The following NOL4L variants were observed in gnomAD, a reference collection of about 807,000 sequenced individuals.
The protein encoded by NOL4L is nucleolar protein 4 like, also known as nucleolar protein 4-like.
In NOL4L, 7 loss-of-function variants were observed where a neutral mutation model predicts 64.5. The ratio of observed to expected loss-of-function variants is 0.11; its 90% CI spans 0.06 to 0.20. NOL4L has a LOEUF of 0.20. NOL4L is among the 10% of genes least tolerant of loss of function. The pLI, the probability that NOL4L is intolerant of heterozygous loss-of-function variation, is 1.00. For synonymous variants in NOL4L, 413 were observed against 401.0 expected (o/e 1.03, Z -0.36); for missense variants, 680 against 967.1 (o/e 0.70, Z 3.94).
chr20:32,568,011 T>TCATCATCACCAC (rs920713752), intron 1 of NOL4L, among the ~76,000 whole-genome samples: 4 of 151,448 alleles, frequency 2.6e-5, no homozygotes, highest in Non-Finnish European at 5.9e-5. Context: ...TTCATCACCA[T>TCATCATCACCAC]CATCATCACC....
chr20:32,546,454 T>G (rs953530456), intron 1 of NOL4L, among the ~76,000 whole-genome samples: 2 of 152,124 alleles, frequency 1.3e-5, no homozygotes, highest in African/African-American at 4.8e-5. Context: ...TATTTATTTA[T>G]TTTTTGAGAT....
intron 5 of NOL4L, among the ~76,000 whole-genome samples, chr20:32,462,949 C>T (rs958021258): frequency 1.5e-5 from 2 of 135,214 alleles, no homozygotes; most frequent in African/African-American, 2.7e-5. Context: ...CATCGACAGG[C>T]GCACAAACCC....
chr20:32,540,627 T>C (rs2018637736), intron 1 of NOL4L, among the ~76,000 whole-genome samples: 1 of 152,128 alleles, frequency 6.6e-6, no homozygotes, highest in Admixed American at 6.5e-5. Context: ...TCAGAATGAC[T>C]GGAACAGGAA....
At position 32,488,827 on chromosome 20, in the gene NOL4L, T is replaced by TTCTTTCTTTC. The variant is rs11483298; in HGVS notation, c.700-14086_700-14085insGAAAGAAAGA. On this transcript the variant is annotated intron_variant, in intron 4 of 10. Transcript: ENST00000621426. ...TCTTTTTCTTTCTTTCTTTCTTTCT[T>TTCTTTCTTTC]TTTCTTTCTTTCTTTCTTTCTTTCT... is the stretch of plus-strand genomic sequence containing the variant. Among the ~76,000 whole-genome samples the TTCTTTCTTTC allele has an allele frequency of 4.1e-3, 136 of 33,136 alleles. 15 individuals are homozygous for TTCTTTCTTTC. The highest frequency in any genetic ancestry group is 0.023 in the Middle Eastern group (2 of 86). 21.7% of individuals were successfully genotyped at this position (33,136 alleles called of 152,430 possible).
chr20:32,525,203 G>A (rs1159394418), intron 2 of NOL4L, among the ~76,000 whole-genome samples: 1 of 152,246 alleles, frequency 6.6e-6, no homozygotes, highest in Non-Finnish European at 1.5e-5. Context: ...CCACAGCATG[G>A]AGGCCGCAGA....
At chr20:32,519,716 G>T (rs118016038) in intron 3 of NOL4L, 3,220 of 152,516 alleles carry the variant, frequency 0.021, 47 homozygotes, top group Non-Finnish European at 0.03. Flanking sequence ...GCTGAAGTGA[G>T]GTCCTTGCTG....
chr20:32,536,988 G>T, intron 1 of NOL4L: 2 of 828,870 alleles, frequency 2.4e-6, no homozygotes, highest in Non-Finnish European at 1.5e-6. Flanking sequence ...CGCACCTGCT[G>T]CGCGCGCGCC....
chr20:32,515,264 C>A (rs958987138), intron 3 of NOL4L, among the ~76,000 whole-genome samples: 1 of 152,122 alleles, frequency 6.6e-6, no homozygotes, highest in Admixed American at 6.5e-5. Flanking sequence ...CTTGGGGAAG[C>A]TGGAACATCC....
chr20:32,550,337 C>T (rs2018782826), intron 1 of NOL4L, among the ~76,000 whole-genome samples: 1 of 152,228 alleles, frequency 6.6e-6, no homozygotes, highest in African/African-American at 2.4e-5. Context: ...ACCTCTGCCT[C>T]CCAGGTTCAA....
At chr20:32,524,945 G>C (rs2018076994) in intron 2 of NOL4L, among the ~76,000 whole-genome samples, 1 of 152,234 alleles carries the variant, frequency 6.6e-6, no homozygotes, top group Non-Finnish European at 1.5e-5. Context: ...AGCCCCTTCG[G>C]CCTCACACCC....
At chr20:32,581,351 G>A (rs1163195998) in intron 1 of NOL4L, among the ~76,000 whole-genome samples, 1 of 151,062 alleles carries the variant, frequency 6.6e-6, no homozygotes, top group African/African-American at 2.4e-5. Context: ...GGGCCCGTCC[G>A]GACAGATTAA....
At chr20:32,543,136 G>A (rs1206989201) in intron 1 of NOL4L, among the ~76,000 whole-genome samples, 1 of 152,174 alleles carries the variant, frequency 6.6e-6, no homozygotes, top group Non-Finnish European at 1.5e-5. Context: ...GCCATCAGGG[G>A]ATGCAATAGG....
At position 32,478,271 on chromosome 20, in the gene NOL4L, ACACTCTCT is replaced by A. The variant is rs768556371; in HGVS notation, c.700-3537_700-3530del. ...CACACACACACACACACACACACAC[ACACTCTCT>A]CTCTCTCTCTCTCATGCATGCTCAC... On this transcript the variant is annotated intron_variant, in intron 4 of 10. Coordinates refer to ENST00000621426, the MANE Select transcript of NOL4L (RefSeq NM_001256798.2). Among the ~76,000 whole-genome samples, 1,022 of 127,212 alleles carry A rather than the reference ACACTCTCT, an allele frequency of 8.0e-3. 8 individuals carry two copies. The highest frequency in any genetic ancestry group is 0.017 in the African/African-American group (640 of 37,208). The allele number at this position is 127,212 out of a possible 152,430, so 83.5% of individuals were successfully genotyped here. A position where few individuals can be genotyped will look rare whatever the true frequency, so the allele number is the denominator to read the frequency against.
intron 4 of NOL4L, among the ~76,000 whole-genome samples, chr20:32,483,794 G>A (rs2015912361): frequency 7.3e-6 from 1 of 137,910 alleles, no homozygotes; most frequent in South Asian, 2.5e-4. Context: ...GGCACCCAGG[G>A]AGAGGGGAGA....
intron 4 of NOL4L, among the ~76,000 whole-genome samples, chr20:32,499,738 C>CAAAAAA (rs10692885): frequency 0.016 from 838 of 51,180 alleles, 17 homozygotes; most frequent in Non-Finnish European, 0.023. Context: ...GACCTTGTCT[C>CAAAAAA]AAAAAAAAAA....
intron 3 of NOL4L, among the ~76,000 whole-genome samples, chr20:32,515,272 T>C (rs2017600758): frequency 6.6e-6 from 1 of 151,952 alleles, no homozygotes; most frequent in African/African-American, 2.4e-5. Context: ...AGCTGGAACA[T>C]CCCGAGCAGA....
At chr20:32,486,825 G>C (rs1015385148) in intron 4 of NOL4L, 2 of 466,844 alleles carry the variant, frequency 4.3e-6, no homozygotes, top group Admixed American at 4.8e-5. Flanking sequence ...CATCACTTGA[G>C]CCATGTGCTC....
At chr20:32,511,193 C>T (rs543036499) in intron 4 of NOL4L, 154 bp downstream of exon 4, 2 of 567,684 alleles carry the variant, frequency 3.5e-6, no homozygotes, top group South Asian at 4.7e-5. Context: ...TTGCCTCCCG[C>T]CTCTCCGCCT....
In NOL4L at chr20:32,445,425, A is replaced by C. The variant is rs1249068059; in HGVS notation, c.*2171T>G. The stretch of plus-strand genomic sequence containing the variant: ...AGTGACACGTTAAGTAACTGATACC[A>C]GGAATTCTAGGGTGGCGATTGTCTC... On this transcript the variant is annotated 3_prime_UTR_variant, in exon 11 of 11. Coordinates refer to ENST00000621426, the MANE Select transcript of NOL4L (RefSeq NM_001256798.2). 2.0e-5 allele frequency: 3 copies of C among 152,222 alleles called. No individual in the cohort carries two copies. In the East Asian group the frequency reaches 5.8e-4, roughly 29 times the overall value. 9.4% of individuals were successfully genotyped at this position (152,222 alleles called of 1,614,324 possible).
Sources: gnomAD v4.1 joint callset for allele counts (sites outside exome capture counted in the v4.1 genomes callset) on GRCh38, gnomAD v4.1.1 for gene constraint, MANE v1.5 for transcripts, NCBI Gene and HGNC (gene_info 2026-07-23, HGNC 2026-07-21) for gene names.